The following EXOC6B variants were observed in gnomAD, a reference collection of about 807,000 sequenced individuals.
EXOC6B encodes the protein exocyst complex component 6B, also known as SEC15 homolog B.
EXOC6B carries 54 observed loss-of-function variants against 113.5 expected under a neutral mutation model. The observed-to-expected ratio is 0.48, with a 90% confidence interval of 0.38 to 0.60. The LOEUF (loss-of-function observed/expected upper bound fraction) is 0.60, where lower values mean the gene tolerates loss of function less well. EXOC6B is among the 20% of genes least tolerant of loss of function. The pLI is 0.00. For synonymous variants in EXOC6B, 357 were observed against 339.0 expected, an observed-to-expected ratio of 1.05 and a Z score of -0.58; for missense variants, 797 against 977.5, an observed-to-expected ratio of 0.82 and a Z score of 2.46.
At chr2:72,280,991 A>T (rs530892999) in intron 20 of EXOC6B, among the ~76,000 whole-genome samples, 5 of 152,170 alleles carry the variant, frequency 3.3e-5, no homozygotes, top group Non-Finnish European at 7.4e-5. Context: ...AAAATGGCTA[A>T]AAAATAGAGT....
intron 2 of EXOC6B, among the ~76,000 whole-genome samples, 159 bp downstream of exon 2, chr2:72,741,145 C>T (rs1681296933): frequency 6.6e-6 from 1 of 151,982 alleles, no homozygotes; most frequent in African/African-American, 2.4e-5. Context: ...AGCTAAAAAG[C>T]CATACTCTCA....
chr2:72,565,293 G>C (rs1704095629), intron 7 of EXOC6B, among the ~76,000 whole-genome samples: 1 of 144,644 alleles, frequency 6.9e-6, no homozygotes, highest in African/African-American at 2.6e-5. Context: ...CGAGGCTGCA[G>C]TGAGCTGAGA....
At chr2:72,611,191 G>A (rs930179560) in intron 6 of EXOC6B, among the ~76,000 whole-genome samples, 5 of 151,812 alleles carry the variant, frequency 3.3e-5, no homozygotes, top group African/African-American at 4.8e-5. Flanking sequence ...GCAAAACCGC[G>A]TCTCTACTAA....
intron 7 of EXOC6B, among the ~76,000 whole-genome samples, chr2:72,571,391 CT>C (rs931881464): frequency 6.7e-5 from 10 of 148,470 alleles, no homozygotes; most frequent in South Asian, 2.1e-4. Flanking sequence ...ATCACTCCCT[CT>C]TTTTTTTTTA....
At chr2:72,299,248 C>T (rs1012095972) in intron 20 of EXOC6B, among the ~76,000 whole-genome samples, 17 of 151,412 alleles carry the variant, frequency 1.1e-4, no homozygotes, top group Admixed American at 2.6e-4. Context: ...CTTCAATCTC[C>T]GATATCCTTT....
intron 18 of EXOC6B, among the ~76,000 whole-genome samples, chr2:72,386,513 C>G (rs1692039312): frequency 6.6e-6 from 1 of 152,226 alleles, no homozygotes; most frequent in South Asian, 2.1e-4. Context: ...TGGGCCAGAA[C>G]CAAGGCCTCA....
Position 72,465,456 on chromosome 2 carries a change from C to T in EXOC6B, c.1801-117G>A, listed in dbSNP as rs1049118865. The T allele has an allele frequency of 2.3e-5, 17 of 728,484 alleles. No homozygotes were observed. The Admixed American group carries it at 2.8e-4, about 12-fold the overall frequency. The allele number at this position is 728,484 out of a possible 1,614,324, so 45.1% of individuals were successfully genotyped here. ...GTAACTGGGAATATAACTGGGAATA[C>T]TGAGCCATACATATCACAGTCTTCT... is the stretch of plus-strand genomic sequence containing the variant. On this transcript the variant is annotated intron_variant, in intron 17 of 21. Coordinates refer to ENST00000272427, the MANE Select transcript of EXOC6B (RefSeq NM_015189.3).
At chr2:72,489,191 C>A (rs1052451770) in intron 16 of EXOC6B, among the ~76,000 whole-genome samples, 1 of 152,268 alleles carries the variant, frequency 6.6e-6, no homozygotes, top group Middle Eastern at 3.4e-3. Context: ...CTCTCCATAG[C>A]ATTCACTACC....
At chr2:72,738,732 T>C in intron 2 of EXOC6B, among the ~76,000 whole-genome samples, 1 of 152,072 alleles carries the variant, frequency 6.6e-6, no homozygotes, top group East Asian at 1.9e-4. Context: ...TAGCAACACT[T>C]TGGGAGGCTG....
At chr2:72,421,384 T>G (rs564665815) in intron 18 of EXOC6B, among the ~76,000 whole-genome samples, 1 of 152,228 alleles carries the variant, frequency 6.6e-6, no homozygotes, top group East Asian at 1.9e-4. Flanking sequence ...ATGTTCTCTT[T>G]ATCTTTTTAA....
chr2:72,814,358 T>C (rs960802483), intron 1 of EXOC6B, among the ~76,000 whole-genome samples: 29 of 152,232 alleles, frequency 1.9e-4, no homozygotes, highest in African/African-American at 6.8e-4. Context: ...GTTGCTTTTG[T>C]TTTTGCTTTT....
chr2:72,641,424 T>C (rs546906230), intron 6 of EXOC6B, among the ~76,000 whole-genome samples: 1 of 152,384 alleles, frequency 6.6e-6, no homozygotes, highest in Admixed American at 6.5e-5. Flanking sequence ...CACGCCTGGA[T>C]TGGTGGGTCC....
chr2:72,440,950 A>C (rs985376162), intron 18 of EXOC6B, among the ~76,000 whole-genome samples: 2 of 152,160 alleles, frequency 1.3e-5, no homozygotes, highest in Non-Finnish European at 2.9e-5. Context: ...GGCATTACAC[A>C]ATGGTAAAGA....
intron 18 of EXOC6B, among the ~76,000 whole-genome samples, chr2:72,450,800 T>C (rs1190623454): frequency 3.3e-5 from 5 of 152,308 alleles, no homozygotes; most frequent in Admixed American, 6.5e-5. Flanking sequence ...ACTGGGGCCA[T>C]AAACTAACAT....
intron 6 of EXOC6B, among the ~76,000 whole-genome samples, chr2:72,682,027 A>C (rs913749497): frequency 2.7e-5 from 4 of 148,258 alleles, no homozygotes; most frequent in South Asian, 2.1e-4. Flanking sequence ...AACTAATACA[A>C]TCTCTCTCTC....
chr2:72,213,141 G>T (rs1680299619), intron 20 of EXOC6B, among the ~76,000 whole-genome samples: 2 of 152,218 alleles, frequency 1.3e-5, no homozygotes, highest in South Asian at 4.1e-4. Flanking sequence ...CTAGCCATCT[G>T]GAGAGGTAAA....
chr2:72,545,809 T>G (rs1426185932), intron 8 of EXOC6B, among the ~76,000 whole-genome samples: 1 of 152,248 alleles, frequency 6.6e-6, no homozygotes, highest in Non-Finnish European at 1.5e-5. Flanking sequence ...AAAACTTCAG[T>G]AGCATTTTAG....
At chr2:72,615,639 C>G (rs1035737132) in intron 6 of EXOC6B, among the ~76,000 whole-genome samples, 1 of 143,098 alleles carries the variant, frequency 7.0e-6, no homozygotes, top group African/African-American at 2.6e-5. Flanking sequence ...AAGTAAAGCA[C>G]AAACAATTAT....
chr2:72,553,289 T>C (rs1444946211), intron 8 of EXOC6B, among the ~76,000 whole-genome samples: 1 of 152,100 alleles, frequency 6.6e-6, no homozygotes, highest in African/African-American at 2.4e-5. Flanking sequence ...AACATGAGGT[T>C]GGGGGAAAGC....
Sources: allele counts gnomAD v4.1 joint callset (sites outside exome capture counted in the v4.1 genomes callset), GRCh38; gene constraint gnomAD v4.1.1; transcripts MANE v1.5; gene names NCBI Gene and HGNC (gene_info 2026-07-23, HGNC 2026-07-21).